METAP1: variants seen among roughly 807,000 people sequenced by gnomAD.
METAP1 encodes the protein methionyl aminopeptidase 1.
Under a neutral mutation model 53.8 loss-of-function variants are expected in METAP1, and 28 were observed. The ratio of observed to expected loss-of-function variants is 0.52; its 90% CI spans 0.39 to 0.71. The LOEUF (loss-of-function observed/expected upper bound fraction) is 0.71, where lower values mean the gene tolerates loss of function less well. Ranked by LOEUF, METAP1 falls within the 30% of genes least tolerant of loss-of-function variation. The pLI, the probability that METAP1 is intolerant of heterozygous loss-of-function variation, is 0.00. For missense variants in METAP1, 389 were observed against 479.8 expected (o/e 0.81, Z 1.77); for synonymous variants, 181 against 165.7 (o/e 1.09, Z -0.71).
intron 7 of METAP1, 76 bp from the exon 8 acceptor site, chr4:99,045,103 G>T: frequency 1.4e-6 from 2 of 1,425,886 alleles, no homozygotes; most frequent in Non-Finnish European, 1.9e-6. Flanking sequence ...GTTGCTAGAT[G>T]CTGTCATGTT....
intron 2 of METAP1, among the ~76,000 whole-genome samples, chr4:99,032,154 T>G (rs956286757): frequency 3.3e-5 from 5 of 152,314 alleles, no homozygotes; most frequent in Middle Eastern, 3.4e-3. Context: ...ACTTGCCATA[T>G]TCAACTTTAG....
intron 9 of METAP1, among the ~76,000 whole-genome samples, chr4:99,053,948 T>C (rs1323382254): frequency 6.6e-6 from 1 of 151,792 alleles, no homozygotes; most frequent in African/African-American, 2.4e-5. Flanking sequence ...ATGCTATAAA[T>C]TGAGGTGCTG....
At chr4:99,054,516 T>C (rs571156890) in intron 9 of METAP1, among the ~76,000 whole-genome samples, 1 of 152,364 alleles carries the variant, frequency 6.6e-6, no homozygotes, top group African/African-American at 2.4e-5. Context: ...AAGACTGTTT[T>C]ACTTTCTTGC....
intron 5 of METAP1, 149 bp downstream of exon 5, chr4:99,039,614 G>T (rs1220097968): frequency 1.7e-5 from 9 of 518,990 alleles, no homozygotes; most frequent in Non-Finnish European, 2.3e-5. Context: ...TTTTTTTTGA[G>T]ACAGAGTTTC....
intron 10 of METAP1, among the ~76,000 whole-genome samples, chr4:99,059,521 C>G (rs143137970): frequency 6.6e-6 from 1 of 152,134 alleles, no homozygotes; most frequent in East Asian, 1.9e-4. Context: ...ATTTGTCTGT[C>G]TGAGGCAGTG....
intron 2 of METAP1, among the ~76,000 whole-genome samples, chr4:99,030,437 C>T (rs1479721061): frequency 6.6e-6 from 1 of 152,138 alleles, no homozygotes; most frequent in East Asian, 1.9e-4. Context: ...GTAGCTATTG[C>T]TCTGTTGGAT....
chr4:99,027,968 C>T (rs1724697670), intron 1 of METAP1, among the ~76,000 whole-genome samples: 1 of 151,834 alleles, frequency 6.6e-6, no homozygotes, highest in South Asian at 2.1e-4. Flanking sequence ...ATTTTTTTTT[C>T]CCGTGCTTTT....
chr4:99,005,981 A>G lies in METAP1; in HGVS notation c.114+10114A>G, dbSNP rs115608531. 6.9e-3 allele frequency: 1,152 copies of G among 167,698 alleles called. 12 individuals carry two copies. Among genetic ancestry groups the G allele is most frequent in the African/African-American group, 0.026 (1,107 of 41,942 alleles). 10.4% of individuals were successfully genotyped at this position (167,698 alleles called of 1,614,324 possible). The stretch of plus-strand genomic sequence containing the variant: ...ACATATTTAGTACAATGTACATACT[A>G]GGATGACTGCACTAAAATCTCAGAC... On this transcript the variant is annotated intron_variant, in intron 1 of 10. Coordinates refer to ENST00000296411, the MANE Select transcript of METAP1 (RefSeq NM_015143.3).
intron 9 of METAP1, among the ~76,000 whole-genome samples, chr4:99,052,459 A>G (rs1281894340): frequency 6.6e-6 from 1 of 152,198 alleles, no homozygotes; most frequent in Non-Finnish European, 1.5e-5. Context: ...CAGGGAACTT[A>G]CAATCATGGC....
intron 1 of METAP1, among the ~76,000 whole-genome samples, chr4:98,999,743 C>T (rs956383079): frequency 8.6e-5 from 13 of 151,406 alleles, no homozygotes; most frequent in Non-Finnish European, 1.5e-4. Flanking sequence ...TAACTCCTGA[C>T]CTCGTGATCC....
chr4:99,012,801 A>G (rs1723554525), intron 1 of METAP1, among the ~76,000 whole-genome samples: 1 of 151,926 alleles, frequency 6.6e-6, no homozygotes, highest in South Asian at 2.1e-4. Flanking sequence ...TATACATTTT[A>G]GGGGGACAGA....
At chr4:99,051,356 T>C (rs1726686822) in intron 9 of METAP1, among the ~76,000 whole-genome samples, 1 of 152,090 alleles carries the variant, frequency 6.6e-6, no homozygotes, top group Non-Finnish European at 1.5e-5. Context: ...TAAGAAACAA[T>C]TATGAAAAGA....
At position 99,031,607 on chromosome 4, in the gene METAP1, T is replaced by C; in HGVS notation, c.167-2623T>C. The C allele has an allele frequency of 3.1e-6, 4 of 1,278,502 alleles. No individual in the cohort carries two copies. In the South Asian group the frequency reaches 3.7e-5, roughly 12 times the overall value. The allele number at this position is 1,278,502 out of a possible 1,614,324, so 79.2% of individuals were successfully genotyped here. A position where few individuals can be genotyped will look rare whatever the true frequency, so the allele number is the denominator to read the frequency against. Reference sequence around the variant, plus strand: ...CCAAGATGCTGGAATCATAGGTTTGTGTGAGGATTAAATAAAGAAATCCAT... The same window carrying C: ...CCAAGATGCTGGAATCATAGGTTTGCGTGAGGATTAAATAAAGAAATCCAT... On this transcript the variant is annotated intron_variant, in intron 2 of 10. Transcript: ENST00000296411.
intron 1 of METAP1, among the ~76,000 whole-genome samples, chr4:99,024,431 G>A (rs1724404908): frequency 6.6e-6 from 1 of 152,158 alleles, no homozygotes; most frequent in African/African-American, 2.4e-5. Context: ...AGTTTTTACG[G>A]ATAATTTGGT....
chr4:99,011,712 A>T (rs1050908014), intron 1 of METAP1, among the ~76,000 whole-genome samples: 9 of 152,302 alleles, frequency 5.9e-5, no homozygotes, highest in Non-Finnish European at 1.0e-4. Flanking sequence ...AGGCTGAGGC[A>T]GGCGGATCAC....
intron 1 of METAP1, among the ~76,000 whole-genome samples, chr4:98,999,029 A>ACTG (rs1452991669): frequency 6.6e-6 from 1 of 152,050 alleles, no homozygotes; most frequent in Non-Finnish European, 1.5e-5. Flanking sequence ...CTGGTCTCGA[A>ACTG]CTGCTGACCT....
At chr4:99,029,989 T>C (rs1230198) in intron 2 of METAP1, among the ~76,000 whole-genome samples, 120,834 of 152,132 alleles carry the variant, frequency 0.79, 48,612 homozygotes, top group East Asian at 0.99. Flanking sequence ...GCATAAAAGA[T>C]AGGACTTGTT....
At chr4:99,016,346 C>T (rs922839503) in intron 1 of METAP1, among the ~76,000 whole-genome samples, 5 of 152,114 alleles carry the variant, frequency 3.3e-5, no homozygotes, top group East Asian at 3.8e-4. Flanking sequence ...TTTGGTCCAT[C>T]GTAGATGAGT....
intron 1 of METAP1, among the ~76,000 whole-genome samples, chr4:99,002,651 C>T (rs962580118): frequency 1.3e-5 from 2 of 152,208 alleles, no homozygotes; most frequent in African/African-American, 2.4e-5. Context: ...TGGAACTTCT[C>T]ATGCTTTGTA....
Sources: gnomAD v4.1 joint callset for allele counts (sites outside exome capture counted in the v4.1 genomes callset) on GRCh38, gnomAD v4.1.1 for gene constraint, MANE v1.5 for transcripts, NCBI Gene and HGNC (gene_info 2026-07-23, HGNC 2026-07-21) for gene names.